Variants in TACC1 observed in about 807,000 individuals in gnomAD.
TACC1 encodes the protein transforming acidic coiled-coil-containing protein 1.
A neutral mutation model predicts 84.4 loss-of-function variants in TACC1; 48 were observed. That is an observed-to-expected ratio of 0.57 (90% CI 0.45 to 0.72). The LOEUF (loss-of-function observed/expected upper bound fraction) is 0.72, where lower values mean the gene tolerates loss of function less well. TACC1 is among the 30% of genes least tolerant of loss of function. The pLI is 0.00. For missense variants in TACC1, 920 were observed against 973.0 expected (o/e 0.95, Z 0.72); for synonymous variants, 372 against 376.3 (o/e 0.99, Z 0.13).
chr8:38,829,929 C>G (rs1046086767), intron 5 of TACC1, among the ~76,000 whole-genome samples: 2 of 152,262 alleles, frequency 1.3e-5, no homozygotes, highest in Non-Finnish European at 1.5e-5. Flanking sequence ...AAGCTGGGTC[C>G]TGATGGATAC....
intron 6 of TACC1, among the ~76,000 whole-genome samples, chr8:38,831,512 A>G (rs1563882756): frequency 1.3e-5 from 2 of 152,024 alleles, no homozygotes; most frequent in African/African-American, 4.8e-5. Flanking sequence ...TATTATTATT[A>G]TTTGAGACAG....
At chr8:38,823,367 G>T (rs1827296786) in intron 3 of TACC1, among the ~76,000 whole-genome samples, 1 of 152,114 alleles carries the variant, frequency 6.6e-6, no homozygotes, top group Non-Finnish European at 1.5e-5. Context: ...CAGCACTTAG[G>T]GTATGTACTG....
intron 3 of TACC1, among the ~76,000 whole-genome samples, chr8:38,822,649 A>G (rs192971528): frequency 1.9e-3 from 286 of 152,338 alleles, no homozygotes; most frequent in African/African-American, 6.5e-3. Flanking sequence ...ACACAAACAC[A>G]TGGTACAGCT....
chr8:38,818,765 C>G (rs111714947), intron 2 of TACC1, among the ~76,000 whole-genome samples: 2,501 of 148,092 alleles, frequency 0.017, 34 homozygotes, highest in Non-Finnish European at 0.027. Context: ...AAATTCTGTT[C>G]TGTGGATACA....
At chr8:38,835,832 C>A (rs1356941592) in intron 6 of TACC1, among the ~76,000 whole-genome samples, 1 of 152,208 alleles carries the variant, frequency 6.6e-6, no homozygotes, top group Non-Finnish European at 1.5e-5. Flanking sequence ...TCCCCAGAAA[C>A]TTAATCATGG....
At chr8:38,833,264 G>T (rs1829610484) in intron 6 of TACC1, among the ~76,000 whole-genome samples, 1 of 152,192 alleles carries the variant, frequency 6.6e-6, no homozygotes, top group Admixed American at 6.5e-5. Context: ...GGATGAGGAA[G>T]GGGCTTTACT....
At chr8:38,767,802 C>T (rs886713919) in intron 3 of TACC1, among the ~76,000 whole-genome samples, 1 of 152,230 alleles carries the variant, frequency 6.6e-6, no homozygotes, top group South Asian at 2.1e-4. Context: ...CAGTGGCTCA[C>T]GTCTGTAATC....
chr8:38,799,514 A>G (rs1355232759), intron 2 of TACC1: 2 of 152,230 alleles, frequency 1.3e-5, no homozygotes, highest in Non-Finnish European at 2.9e-5. Flanking sequence ...TTTAGCAGCA[A>G]AAGATAGGGA....
chr8:38,752,918 CTG>C, intron 3 of TACC1, among the ~76,000 whole-genome samples: 1 of 152,256 alleles, frequency 6.6e-6, no homozygotes, highest in Admixed American at 6.5e-5. Context: ...TTCTCAGTCA[CTG>C]GGGACAGACA....
rs754110202 is a variant in TACC1, at chr8:38,836,200, G to C, written c.1752G>C (p.Ser584=). The stretch of plus-strand genomic sequence containing the variant: ...CCTCTGCAGAGAAGGCCCCTGTGTC[G>C]GTGTCCTGTGGAGGTGAGAGCCCCC... ...LESSAEKAPV[S]VSCGGESPLD... Residue 584 remains serine (S), a synonymous_variant, in exon 7 of 13, where the codon TCG becomes TCC. Transcript: ENST00000317827. 6.2e-7 allele frequency: 1 copy of C among 1,613,252 alleles called. No homozygotes were observed. Among genetic ancestry groups the C allele is most frequent in the Non-Finnish European group, 8.5e-7 (1 of 1,179,848 alleles).
chr8:38,756,558 T>G (rs1382593472), intron 3 of TACC1, among the ~76,000 whole-genome samples: 1 of 152,100 alleles, frequency 6.6e-6, no homozygotes, highest in African/African-American at 2.4e-5. Flanking sequence ...GGTGTTTGTT[T>G]GTTTGTTTGT....
At chr8:38,768,097 A>C (rs548731305) in intron 3 of TACC1, among the ~76,000 whole-genome samples, 4 of 142,780 alleles carry the variant, frequency 2.8e-5, no homozygotes, top group Non-Finnish European at 6.0e-5. Context: ...GGAAGGAAGG[A>C]AGGAAGGAAG....
chr8:38,787,155 C>T (rs1817365856), upstream of TACC1: 2 of 984,222 alleles, frequency 2.0e-6, no homozygotes, highest in Non-Finnish European at 2.4e-6. Flanking sequence ...CGCGCGCGCG[C>T]GAGTAGTACG....
In TACC1 at chr8:38,848,063, G is replaced by C. The variant is rs186556762; in HGVS notation, c.*40G>C. 98 of 1,572,000 alleles carry C rather than the reference G, an allele frequency of 6.2e-5. No individual in the cohort carries two copies. The African/African-American group carries it at 1.2e-3, about 20-fold the overall frequency. On this transcript the variant is annotated 3_prime_UTR_variant, in exon 13 of 13. Transcript: ENST00000317827. ...TAGCTCAACAGATCTGCATTTGGCTGCTTCTCTTGTGACCACAATTATCTT... is the reference window on the plus strand; with the variant it reads ...TAGCTCAACAGATCTGCATTTGGCTCCTTCTCTTGTGACCACAATTATCTT...
At chr8:38,746,540 C>T (rs558507883) in intron 3 of TACC1, among the ~76,000 whole-genome samples, 103 of 152,272 alleles carry the variant, frequency 6.8e-4, no homozygotes, top group South Asian at 1.7e-3. Flanking sequence ...TATCATCTAA[C>T]AAGTCTCTGA....
chr8:38,794,784 CT>C (rs1263932386), intron 2 of TACC1, among the ~76,000 whole-genome samples: 1 of 152,170 alleles, frequency 6.6e-6, no homozygotes, highest in Non-Finnish European at 1.5e-5. Flanking sequence ...CAAGGGAATG[CT>C]TTATTAGAGT....
At chr8:38,779,976 G>A (rs537656324) in intron 3 of TACC1, among the ~76,000 whole-genome samples, 22 of 152,162 alleles carry the variant, frequency 1.4e-4, no homozygotes, top group African/African-American at 4.1e-4. Flanking sequence ...TTGTTTTCAC[G>A]AGTTCCTTAG....
At position 38,788,809 on chromosome 8, in the gene TACC1, C is replaced by G; in HGVS notation, c.267C>G (p.Ala89=). The part of the protein sequence containing the change: ...DPSLGLAGPG[A]KSQESQEADE... ...CACTCGGATTGGCAGGACCTGGGGC[C>G]AAAAGCCAAGGTAAAGAAAAACTTG... Residue 89 remains alanine, a synonymous_variant, in exon 2 of 13, where the codon GCC becomes GCG. Transcript: ENST00000317827. 6.2e-7 allele frequency: 1 copy of G among 1,606,526 alleles called. No homozygotes were observed.
chr8:38,731,307 C>A (rs1445486383), intron 1 of TACC1, among the ~76,000 whole-genome samples: 1 of 152,178 alleles, frequency 6.6e-6, no homozygotes, highest in Non-Finnish European at 1.5e-5. Context: ...CATCTCAGCT[C>A]TGTCACATTT....
Sources: allele counts gnomAD v4.1 joint callset (sites outside exome capture counted in the v4.1 genomes callset), GRCh38; gene constraint gnomAD v4.1.1; transcripts MANE v1.5; gene names NCBI Gene and HGNC (gene_info 2026-07-23, HGNC 2026-07-21).